DIP2C: variants seen among roughly 807,000 people sequenced by gnomAD.
DIP2C encodes disco-interacting protein 2 homolog C.
In DIP2C, 33 loss-of-function variants were observed where a neutral mutation model predicts 192.4. The observed-to-expected ratio is 0.17, with a 90% CI of 0.13 to 0.23. The LOEUF (loss-of-function observed/expected upper bound fraction) is 0.23, where lower values mean the gene tolerates loss of function less well. DIP2C is among the 10% of genes least tolerant of loss of function. The pLI, the probability that DIP2C is intolerant of heterozygous loss-of-function variation, is 1.00. For missense variants in DIP2C, 1,537 were observed against 2,110.1 expected (o/e 0.73, Z 5.32); for synonymous variants, 979 against 864.1 (o/e 1.13, Z -2.33).
chr10:478,605 T>G (rs1445365272), intron 2 of DIP2C, among the ~76,000 whole-genome samples: 1 of 149,376 alleles, frequency 6.7e-6, no homozygotes, highest in Non-Finnish European at 1.5e-5. Flanking sequence ...GTGCTGGGGC[T>G]GCAGACACAT....
At position 303,073 on chromosome 10, in the gene DIP2C, G is replaced by A. The variant is rs117819271; in HGVS notation, c.3986+6958C>T. 2.8e-3 allele frequency among the ~76,000 whole-genome samples: 421 copies of A among 152,302 alleles called. 19 individuals carry two copies. In the East Asian group the frequency reaches 0.062, roughly 23 times the overall value. ...ACGCGACTGTAGATTTGTAAACACC[G>A]TACTTGTAAGCTAAGACATCACCGC... is the stretch of plus-strand genomic sequence containing the variant. On this transcript the variant is annotated intron_variant, in intron 32 of 36. Transcript: ENST00000280886.
chr10:469,052 G>A (rs1010864703), intron 3 of DIP2C, among the ~76,000 whole-genome samples: 2 of 152,128 alleles, frequency 1.3e-5, no homozygotes, highest in African/African-American at 4.8e-5. Context: ...TGCAGAATTG[G>A]AGACCATCAT....
chr10:357,806 G>T, intron 23 of DIP2C, 22 bp downstream of exon 23: 1 of 1,585,492 alleles, frequency 6.3e-7, no homozygotes, highest in Non-Finnish European at 8.6e-7. Flanking sequence ...CGGTCGGGGA[G>T]ACTCAGGGAC....
At chr10:588,761 G>T (rs1851236365) in intron 1 of DIP2C, among the ~76,000 whole-genome samples, 1 of 152,148 alleles carries the variant, frequency 6.6e-6, no homozygotes, top group Non-Finnish European at 1.5e-5. Flanking sequence ...GGCTACCCCA[G>T]CCTGCCAGGC....
chr10:394,315 A>T (rs1434444736), intron 10 of DIP2C, among the ~76,000 whole-genome samples: 2 of 151,738 alleles, frequency 1.3e-5, no homozygotes, highest in African/African-American at 4.9e-5. Context: ...GGGAGGAGGG[A>T]AGCCTGCTCT....
chr10:588,620 G>A (rs1439400546), intron 1 of DIP2C, among the ~76,000 whole-genome samples: 1 of 152,228 alleles, frequency 6.6e-6, no homozygotes, highest in African/African-American at 2.4e-5. Context: ...CAAGCGCAGA[G>A]GCTCGTGGAC....
chr10:513,608 G>A (rs1229795108), intron 1 of DIP2C, among the ~76,000 whole-genome samples: 7 of 111,450 alleles, frequency 6.3e-5, no homozygotes, highest in Admixed American at 2.1e-4. Flanking sequence ...CCTGTACCAC[G>A]CCTTCCACAC....
Position 369,530 on chromosome 10 carries a change from G to A in DIP2C, c.2095C>T (p.Leu699Phe), listed in dbSNP as rs951080231. 8 of 1,577,404 alleles carry A rather than the reference G, an allele frequency of 5.1e-6. No individual in the cohort carries two copies. Among genetic ancestry groups the A allele is most frequent in the East Asian group, 2.3e-5 (1 of 44,438 alleles). Residue 699 changes from leucine (L) to phenylalanine (F), a missense_variant, in exon 18 of 37, where the codon CTC becomes TTC. Leu to Phe is a conservative substitution (Grantham distance 22, BLOSUM62 0). Around this residue, in one of 4 missense-constraint regions of DIP2C, gnomAD observed 677 missense variants for 989.9 expected, o/e 0.68. Transcript: ENST00000280886. ...RVDSEEKLSV[L>F]TVQDVGLVMP... ...ACGAGGCCGACATCCTGCACGGTGA[G>A]CACGGACAGCTTCTCTTCCGAGTCC...
intron 1 of DIP2C, among the ~76,000 whole-genome samples, chr10:610,710 G>A (rs1022820487): frequency 6.6e-6 from 1 of 151,958 alleles, no homozygotes; most frequent in East Asian, 1.9e-4. Flanking sequence ...TGTTGGAGGT[G>A]GGCCCTGGTG....
chr10:422,335 A>T (rs1408485629), intron 5 of DIP2C, among the ~76,000 whole-genome samples: 1 of 152,174 alleles, frequency 6.6e-6, no homozygotes, highest in Non-Finnish European at 1.5e-5. Context: ...GTCATAGGGC[A>T]GTGATCCTAA....
chr10:356,325 A>T, intron 24 of DIP2C, 101 bp downstream of exon 24: 1 of 1,320,926 alleles, frequency 7.6e-7, no homozygotes, highest in Middle Eastern at 1.8e-4. Flanking sequence ...TTCCCATAAG[A>T]CTGAAGCAAA....
intron 1 of DIP2C, among the ~76,000 whole-genome samples, chr10:639,159 T>C (rs1855003611): frequency 7.1e-6 from 1 of 140,300 alleles, no homozygotes; most frequent in Non-Finnish European, 1.6e-5. Flanking sequence ...GTCGGGAGGG[T>C]GCTGCCCGGC....
chr10:505,296 A>G (rs1326537531), intron 1 of DIP2C, among the ~76,000 whole-genome samples: 3 of 152,280 alleles, frequency 2.0e-5, no homozygotes, highest in East Asian at 1.9e-4. Context: ...ATATACACGC[A>G]GGAGCTATCT....
intron 1 of DIP2C, among the ~76,000 whole-genome samples, chr10:582,212 G>GC (rs1850713083): frequency 6.6e-6 from 1 of 152,158 alleles, no homozygotes; most frequent in South Asian, 2.1e-4. Flanking sequence ...GCAGCCCAGG[G>GC]CTAAGCCCTA....
chr10:498,676 C>T (rs906800872), intron 1 of DIP2C, among the ~76,000 whole-genome samples: 1 of 152,158 alleles, frequency 6.6e-6, no homozygotes, highest in African/African-American at 2.4e-5. Context: ...AGTCAGCTCA[C>T]CTCAAGACTC....
intron 5 of DIP2C, among the ~76,000 whole-genome samples, chr10:422,123 C>T (rs926612071): frequency 6.6e-6 from 1 of 152,150 alleles, no homozygotes; most frequent in Non-Finnish European, 1.5e-5. Flanking sequence ...TTATCGGCGA[C>T]GTGGTAAGCA....
rs556340411 is a variant in DIP2C at position 591,107 on chromosome 10, T to C, written c.85+98387A>G. On this transcript the variant is annotated intron_variant, in intron 1 of 36. Transcript: ENST00000280886. The stretch of plus-strand genomic sequence containing the variant: ...CCTCCATCACAGATAACAGTCAGGT[T>C]TCCATTACTGGTTTTTTTTGTTTTG... Among the ~76,000 whole-genome samples, 667 of 151,894 alleles carry C rather than the reference T, an allele frequency of 4.4e-3. 3 individuals carry two copies. The highest frequency in any genetic ancestry group is 0.015 in the African/African-American group (619 of 41,140).
intron 1 of DIP2C, among the ~76,000 whole-genome samples, chr10:519,864 G>A (rs1010146280): frequency 3.9e-5 from 6 of 152,014 alleles, no homozygotes; most frequent in Non-Finnish European, 7.4e-5. Flanking sequence ...CCATTGAGGG[G>A]GAGGGGCCAG....
At chr10:526,472 C>T (rs1337827677) in intron 1 of DIP2C, among the ~76,000 whole-genome samples, 3 of 151,410 alleles carry the variant, frequency 2.0e-5, no homozygotes, top group Admixed American at 1.3e-4. Flanking sequence ...AGAACCAACA[C>T]CCACCAGCTG....
Sources: allele counts gnomAD v4.1 joint callset (sites outside exome capture counted in the v4.1 genomes callset), GRCh38; gene constraint gnomAD v4.1.1; regional missense constraint gnomAD v4.1.1; transcripts MANE v1.5; gene names NCBI Gene and HGNC (gene_info 2026-07-23, HGNC 2026-07-21).